Variants in INTS1 observed in about 807,000 individuals in gnomAD.
INTS1 encodes integrator complex subunit 1.
Under a neutral mutation model 241.6 loss-of-function variants are expected in INTS1, and 137 were observed. The ratio of observed to expected loss-of-function variants is 0.57; its 90% CI spans 0.49 to 0.65. The LOEUF (loss-of-function observed/expected upper bound fraction) is 0.65, where lower values mean the gene tolerates loss of function less well. Among genes scored for constraint, INTS1 ranks in the 30% least tolerant of loss-of-function variants. The pLI is 0.00. For synonymous variants in INTS1, 1,692 were observed against 1,337.8 expected, an observed-to-expected ratio of 1.26 and a Z score of -5.78; for missense variants, 3,073 against 3,032.2, an observed-to-expected ratio of 1.01 and a Z score of -0.32.
At chr7:1,499,720 C>A in intron 5 of INTS1, 88 bp from the exon 6 acceptor site, 1 of 1,484,944 alleles carries the variant, frequency 6.7e-7, no homozygotes, top group Non-Finnish European at 9.0e-7. Context: ...GGACTGGGTG[C>A]CCAGGCGGCC....
Position 1,474,593 on chromosome 7 carries a change from CA to C in INTS1, c.5636+111del, listed in dbSNP as rs555146584. 5.7e-6 allele frequency: 8 copies of C among 1,400,468 alleles called. No homozygotes were observed. The African/African-American group carries it at 7.2e-5, about 13-fold the overall frequency. The allele number at this position is 1,400,468 out of a possible 1,614,324, so 86.8% of individuals were successfully genotyped here. The stretch of plus-strand genomic sequence containing the variant: ...CCCGGTCAAGCTCAGCCCATGGGAA[CA>C]TGCTTTTTTTTGTTGTTTTTGGAGT... On this transcript the variant is annotated intron_variant, in intron 40 of 47. Transcript: ENST00000404767.
chr7:1,472,512 C>G lies in INTS1; in HGVS notation c.6071-126G>C, dbSNP rs569248363. On this transcript the variant is annotated intron_variant, in intron 43 of 47. Coordinates refer to ENST00000404767, the MANE Select transcript of INTS1 (RefSeq NM_001080453.3). ...AGGCTCCCAAGGTGCCTGCACACAG[C>G]AGCGCTCCACAAATGGGGTGGAGCC... 3 of 631,046 alleles carry G rather than the reference C, an allele frequency of 4.8e-6. No homozygotes were observed. The Admixed American group carries it at 9.3e-5, about 20-fold the overall frequency. 39.1% of individuals were successfully genotyped at this position (631,046 alleles called of 1,614,324 possible).
rs748094626 is a variant in INTS1 at position 1,470,530 on chromosome 7, G to T, written c.*47C>A. On this transcript the variant is annotated 3_prime_UTR_variant, in exon 48 of 48. Transcript: ENST00000404767. ...CCTGGGCTTTGCCTCGAGGATCCCC[G>T]GGGACGGGACGGGCCGGGGCTTGGA... 2.8e-6 allele frequency: 4 copies of T among 1,410,434 alleles called. No homozygotes were observed. The highest frequency in any genetic ancestry group is 4.5e-5 in the Admixed American group (2 of 44,608). 87.4% of individuals were successfully genotyped at this position (1,410,434 alleles called of 1,614,324 possible). A position where few individuals can be genotyped will look rare whatever the true frequency, so the allele number is the denominator to read the frequency against.
At position 1,486,769 on chromosome 7, in the gene INTS1, T is replaced by C. The variant is rs2128538793; in HGVS notation, c.2832A>G (p.Gln944=). ...KEQKAKKRQR[Q]QKQRQLLGRL... ...GGCCCAGCAGCTGCCGCTGCTTCTG[T>C]TGCCTCTGCAGGGAGGAAGGGGCTC... The change falls in exon 22 of 48, where the codon CAA becomes CAG. Residue 944 remains glutamine, a synonymous_variant. Coordinates refer to ENST00000404767, the MANE Select transcript of INTS1 (RefSeq NM_001080453.3). 1.2e-6 allele frequency: 2 copies of C among 1,612,332 alleles called. No homozygotes were observed. Among genetic ancestry groups the C allele is most frequent in the African/African-American group, 2.7e-5 (2 of 75,024 alleles).
At chr7:1,486,892 C>CGGG (rs777228074) in intron 21 of INTS1, 30 bp downstream of exon 21, 1 of 722,942 alleles carries the variant, frequency 1.4e-6, no homozygotes, top group Admixed American at 2.7e-5. Context: ...GGGTGAGAGG[C>CGGG]GGGGGGGCTG....
chr7:1,482,928 C>T (rs1299941667), intron 26 of INTS1: 1 of 575,704 alleles, frequency 1.7e-6, no homozygotes, highest in Non-Finnish European at 3.1e-6. Flanking sequence ...CAAGCAGCAT[C>T]ACTGCCATTT....
At chr7:1,475,776 T>G (rs1781686043) in intron 39 of INTS1, among the ~76,000 whole-genome samples, 172 bp downstream of exon 39, 1 of 152,088 alleles carries the variant, frequency 6.6e-6, no homozygotes, top group Admixed American at 6.5e-5. Context: ...GCAAGCTCCC[T>G]CGGTATAAAA....
Position 1,482,724 on chromosome 7 carries a change from G to C in INTS1, c.3542-17C>G, listed in dbSNP as rs190996911. On this transcript the variant is annotated splice_polypyrimidine_tract_variant and intron_variant, in intron 26 of 47. Coordinates refer to ENST00000404767, the MANE Select transcript of INTS1 (RefSeq NM_001080453.3). ...TGTCGTCGGCTTCAGGAAGGACAAC[G>C]GGTGAGCAGCCTTCAGACCCACCGG... 6.2e-7 allele frequency: 1 copy of C among 1,611,502 alleles called. No individual in the cohort carries two copies. Among genetic ancestry groups the C allele is most frequent in the Non-Finnish European group, 8.5e-7 (1 of 1,179,188 alleles).
Position 1,479,507 on chromosome 7 carries a change from C to T in INTS1, c.4252G>A (p.Gly1418Ser), listed in dbSNP as rs751031633. 1.7e-5 allele frequency: 26 copies of T among 1,570,870 alleles called. 1 individual carries two copies. In the South Asian group the frequency reaches 2.6e-4, roughly 16 times the overall value. ...TGCATGGACATCACCAGGGCACCGCCGTGTGGGGAGCTGAGCAGGGTGGCG... is the reference window on the plus strand; with the variant it reads ...TGCATGGACATCACCAGGGCACCGCTGTGTGGGGAGCTGAGCAGGGTGGCG... ...ALATLLSSPH[G>S]GALVMSMHRS... The change falls in exon 31 of 48, where the codon GGC (glycine) becomes AGC (serine). Residue 1418 changes from glycine (G) to serine (S), a missense_variant. Transcript: ENST00000404767.
chr7:1,482,308 C>T, intron 27 of INTS1: 1 of 420,488 alleles, frequency 2.4e-6, no homozygotes, highest in Non-Finnish European at 4.2e-6. Flanking sequence ...ACTCTAGACC[C>T]CTGAGCCTGA....
intron 39 of INTS1, among the ~76,000 whole-genome samples, chr7:1,475,314 G>A (rs867673719): frequency 6.6e-6 from 1 of 152,130 alleles, no homozygotes; most frequent in South Asian, 2.1e-4. Context: ...GAGCACAGGG[G>A]GTTGAGGCTG....
Position 1,499,955 on chromosome 7 carries a change from A to G in INTS1, c.613T>C (p.Ser205Pro). The change falls in exon 5 of 48, where the codon TCT becomes CCT. Residue 205 changes from serine to proline, a missense_variant. Ser to Pro is a moderately conservative substitution (Grantham distance 74). Coordinates refer to ENST00000404767, the MANE Select transcript of INTS1 (RefSeq NM_001080453.3). The stretch of plus-strand genomic sequence containing the variant: ...ATGAGGAGGTTACAGGCCAGCACAG[A>G]CACCAGGCTGTTCCCCTTGGCCTTG... ...NFKAKGNSLV[S>P]VLACNLLMAA... 7 of 1,613,690 alleles carry G rather than the reference A, an allele frequency of 4.3e-6. No homozygotes were observed. The highest frequency in any genetic ancestry group is 5.1e-6 in the Non-Finnish European group (6 of 1,179,850).
rs760987057 is a variant in INTS1 at position 1,498,401 on chromosome 7, C to T, written c.1425+11G>A. 3 of 1,613,232 alleles carry T rather than the reference C, an allele frequency of 1.9e-6. No individual in the cohort carries two copies. In the African/African-American group the frequency reaches 4.0e-5, roughly 22 times the overall value. ...CGGCGTGGAGGGCAAGGCCAGGGAC[C>T]CTGGGCCTACCTTGGGCGCCAGCTC... On this transcript the variant is annotated intron_variant, in intron 10 of 47. Coordinates refer to ENST00000404767, the MANE Select transcript of INTS1 (RefSeq NM_001080453.3).
intron 23 of INTS1, 23 bp from the exon 24 acceptor site, chr7:1,485,225 C>A: frequency 1.3e-6 from 2 of 1,598,488 alleles, no homozygotes; most frequent in Non-Finnish European, 1.7e-6. Flanking sequence ...GTGGTCTGAG[C>A]GGCAACAGGG....
At position 1,498,958 on chromosome 7, in the gene INTS1, C is replaced by G. The variant is rs1562520597; in HGVS notation, c.1137+17G>C. ...CCCACCCCCTGCCCCGCCCACCCCC[C>G]CGGGGCGCCCCCGCACCTTGGGGTT... On this transcript the variant is annotated intron_variant, in intron 8 of 47. Transcript: ENST00000404767. The G allele has an allele frequency of 1.3e-6, 2 of 1,488,734 alleles. No individual in the cohort carries two copies. Among genetic ancestry groups the G allele is most frequent in the South Asian group, 1.2e-5 (1 of 82,110 alleles). 92.2% of individuals were successfully genotyped at this position (1,488,734 alleles called of 1,614,324 possible).
At chr7:1,486,148 C>G (rs1252499190) in intron 22 of INTS1, among the ~76,000 whole-genome samples, 1 of 152,166 alleles carries the variant, frequency 6.6e-6, no homozygotes, top group Non-Finnish European at 1.5e-5. Context: ...GTTGCCCAGG[C>G]TGGTCTCAAA....
rs1296867376 is a variant in INTS1 at position 1,473,070 on chromosome 7, A to G, written c.6070+2T>C. 6.3e-7 allele frequency: 1 copy of G among 1,584,262 alleles called. No homozygotes were observed. Among genetic ancestry groups the G allele is most frequent in the Non-Finnish European group, 8.6e-7 (1 of 1,161,414 alleles). On this transcript the variant is annotated splice_donor_variant, in intron 43 of 47. Coordinates refer to ENST00000404767, the MANE Select transcript of INTS1 (RefSeq NM_001080453.3). LOFTEE classifies it high-confidence loss of function. The stretch of plus-strand genomic sequence containing the variant: ...CCAGCAGCCCCTGGCAGCCCCACTC[A>G]CCCTCGCCCTCTTCGTCCAGGCCTC...
rs1047226189 is a variant in INTS1 at position 1,486,904 on chromosome 7, G to A, written c.2826+18C>T. On this transcript the variant is annotated intron_variant, in intron 21 of 47. Transcript: ENST00000404767. ...GCGGGGTGAGAGGCGGGGGGGCTGA[G>A]GGGTGGGCGGCCCTGACCTGCCGCT... The A allele has an allele frequency of 1.3e-6, 2 of 1,588,256 alleles. No individual in the cohort carries two copies. The highest frequency in any genetic ancestry group is 2.7e-5 in the African/African-American group (2 of 74,696).
In INTS1 at chr7:1,486,591, G is replaced by A. The variant is rs539539756; in HGVS notation, c.2976+34C>T. 3.2e-5 allele frequency: 51 copies of A among 1,599,830 alleles called. No individual in the cohort carries two copies. In the South Asian group the frequency reaches 4.6e-4, roughly 14 times the overall value. On this transcript the variant is annotated intron_variant, in intron 22 of 47. Coordinates refer to ENST00000404767, the MANE Select transcript of INTS1 (RefSeq NM_001080453.3). ...CCAGCCTACTCATTTTAAACATGAA[G>A]AGCGTGCGCAGAAAGACCCGCCCAC... is the stretch of plus-strand genomic sequence containing the variant.
Sources: gnomAD v4.1 joint callset for allele counts (sites outside exome capture counted in the v4.1 genomes callset) on GRCh38, gnomAD v4.1.1 for gene constraint, MANE v1.5 for transcripts, NCBI Gene and HGNC (gene_info 2026-07-23, HGNC 2026-07-21) for gene names.